Variants in NDST4 observed in about 807,000 individuals in gnomAD.
NDST4 encodes N-heparan sulfate sulfotransferase 4.
NDST4 carries 63 observed loss-of-function variants against 100.8 expected under a neutral mutation model. The ratio of observed to expected loss-of-function variants is 0.62; its 90% CI spans 0.51 to 0.77. The LOEUF (loss-of-function observed/expected upper bound fraction) is 0.77, where lower values mean the gene tolerates loss of function less well. NDST4 is among the 30% of genes least tolerant of loss of function. The probability of loss-of-function intolerance (pLI) is 0.00; values close to 1 mark genes in which losing one functional copy is unlikely to be tolerated. For missense variants in NDST4, 943 were observed against 1,018.4 expected (o/e 0.93, Z 1.01); for synonymous variants, 377 against 361.8 (o/e 1.04, Z -0.48).
At chr4:114,872,332 A>C (rs1560788714) in intron 6 of NDST4, among the ~76,000 whole-genome samples, 1 of 152,050 alleles carries the variant, frequency 6.6e-6, no homozygotes, top group Non-Finnish European at 1.5e-5. Flanking sequence ...AAAACATCTA[A>C]ACATTAGTTG....
chr4:114,901,810 CTCTTCTTT>C lies in NDST4; in HGVS notation c.1537-30868_1537-30861del, dbSNP rs532401623. Among the ~76,000 whole-genome samples the C allele has an allele frequency of 7.3e-3, 1,109 of 151,616 alleles. 82 individuals are homozygous for C. The South Asian group carries it at 0.17, about 23-fold the overall frequency. ...ATTTTTCCTCCCCCTTCCACTCCTT[CTCTTCTTT>C]TCTTCTTCCTTTTTTCTTCTTCTTC... is the stretch of plus-strand genomic sequence containing the variant. On this transcript the variant is annotated intron_variant, in intron 6 of 13. Coordinates refer to ENST00000264363, the MANE Select transcript of NDST4 (RefSeq NM_022569.3).
chr4:115,077,764 G>C (rs983868591), intron 1 of NDST4, among the ~76,000 whole-genome samples: 1 of 152,122 alleles, frequency 6.6e-6, no homozygotes, highest in Non-Finnish European at 1.5e-5. Context: ...CTTAAGTTTA[G>C]AGTAGTTACA....
intron 1 of NDST4, among the ~76,000 whole-genome samples, chr4:115,104,613 A>G (rs115730344): frequency 0.012 from 1,814 of 152,240 alleles, 34 homozygotes; most frequent in African/African-American, 0.041. Flanking sequence ...TCTGGGATAT[A>G]GTATGTTTTC....
intron 2 of NDST4, among the ~76,000 whole-genome samples, chr4:114,994,706 A>G (rs1379608418): frequency 6.6e-6 from 1 of 152,046 alleles, no homozygotes; most frequent in East Asian, 1.9e-4. Context: ...TTGGGGTTAG[A>G]TGATGATACA....
intron 6 of NDST4, among the ~76,000 whole-genome samples, chr4:114,932,603 T>G (rs949318176): frequency 1.3e-5 from 2 of 151,992 alleles, no homozygotes; most frequent in Admixed American, 6.6e-5. Context: ...AAACTCTAAA[T>G]ATTCCTTGAA....
At chr4:114,959,692 A>C (rs2126235622) in intron 4 of NDST4, among the ~76,000 whole-genome samples, 1 of 152,306 alleles carries the variant, frequency 6.6e-6, no homozygotes, top group Admixed American at 6.5e-5. Context: ...TAACAGAAGA[A>C]AAATTTAGCA....
chr4:115,100,646 A>G (rs1201003903), intron 1 of NDST4, among the ~76,000 whole-genome samples: 4 of 152,080 alleles, frequency 2.6e-5, no homozygotes, highest in African/African-American at 7.2e-5. Context: ...TTCTTCACGT[A>G]TATTTCCTTA....
chr4:114,934,302 G>GGGAGATCT, intron 6 of NDST4, among the ~76,000 whole-genome samples: 1 of 151,994 alleles, frequency 6.6e-6, no homozygotes, highest in African/African-American at 2.4e-5. Context: ...TAAAAAAGTT[G>GGGAGATCT]AACTCTTGGG....
Position 114,839,648 on chromosome 4 carries a change from G to A in NDST4, c.2116-100C>T, listed in dbSNP as rs1723385221. 5.1e-6 allele frequency: 5 copies of A among 983,418 alleles called. No homozygotes were observed. The South Asian group carries it at 5.3e-5, about 10-fold the overall frequency. 60.9% of individuals were successfully genotyped at this position (983,418 alleles called of 1,614,324 possible). On this transcript the variant is annotated intron_variant, in intron 10 of 13. Coordinates refer to ENST00000264363, the MANE Select transcript of NDST4 (RefSeq NM_022569.3). Reference sequence around the variant, plus strand: ...GCACATGCATGTGTGTGTTTGGTGTGTATGTATAAATGTGTGTGTCCTTTA... The same window carrying A: ...GCACATGCATGTGTGTGTTTGGTGTATATGTATAAATGTGTGTGTCCTTTA...
At position 115,077,133 on chromosome 4, in the gene NDST4, A is replaced by T; in HGVS notation, c.-97T>A. ...GATGTTGCAAATATCACTTCCCCAGAGTTCATGTAACCATCGCAAATCATG... is the reference window on the plus strand; with the variant it reads ...GATGTTGCAAATATCACTTCCCCAGTGTTCATGTAACCATCGCAAATCATG... On this transcript the variant is annotated 5_prime_UTR_variant, in exon 2 of 14. Transcript: ENST00000264363. The T allele has an allele frequency of 8.7e-7, 1 of 1,149,462 alleles. No individual in the cohort carries two copies. The highest frequency in any genetic ancestry group is 1.2e-6 in the Non-Finnish European group (1 of 830,530). 71.2% of individuals were successfully genotyped at this position (1,149,462 alleles called of 1,614,324 possible).
At chr4:114,827,977 T>C in intron 13 of NDST4, 42 bp from the exon 14 acceptor site, 4 of 1,563,392 alleles carry the variant, frequency 2.6e-6, no homozygotes, top group Non-Finnish European at 2.6e-6. Flanking sequence ...GCTCTTTGTT[T>C]CATCAAACAG....
At chr4:115,090,223 A>G (rs28695346) in intron 1 of NDST4, among the ~76,000 whole-genome samples, 1 of 151,886 alleles carries the variant, frequency 6.6e-6, no homozygotes, top group Admixed American at 6.6e-5. Context: ...TAGGCACAAA[A>G]CACAGCTATA....
At chr4:114,933,238 A>G (rs923586005) in intron 6 of NDST4, among the ~76,000 whole-genome samples, 2 of 152,148 alleles carry the variant, frequency 1.3e-5, no homozygotes, top group African/African-American at 4.8e-5. Context: ...AGTCTCTTCA[A>G]CAAACAGGTG....
At chr4:115,025,086 T>TGTTCATTATAAATTA (rs1727953156) in intron 2 of NDST4, among the ~76,000 whole-genome samples, 2 of 151,956 alleles carry the variant, frequency 1.3e-5, no homozygotes, top group African/African-American at 4.8e-5. Flanking sequence ...CAAATAAATT[T>TGTTCATTATAAATTA]CTGTTCATTA....
intron 2 of NDST4, among the ~76,000 whole-genome samples, chr4:115,052,727 T>C (rs1021294853): frequency 1.1e-4 from 17 of 152,138 alleles, no homozygotes; most frequent in East Asian, 7.7e-4. Flanking sequence ...CTCGGGTATG[T>C]CTTTATTAGC....
chr4:115,026,257 G>A (rs1303798699), intron 2 of NDST4, among the ~76,000 whole-genome samples: 1 of 151,884 alleles, frequency 6.6e-6, no homozygotes, highest in Non-Finnish European at 1.5e-5. Context: ...TTATAAGAAG[G>A]AATAATAATT....
chr4:115,097,685 T>G (rs1028563948), intron 1 of NDST4, among the ~76,000 whole-genome samples: 10 of 152,154 alleles, frequency 6.6e-5, no homozygotes, highest in African/African-American at 2.4e-4. Flanking sequence ...AGGGTCCTCA[T>G]TTTACAATGT....
intron 6 of NDST4, among the ~76,000 whole-genome samples, chr4:114,929,109 C>CATCCATCCATCT (rs1725454129): frequency 8.9e-6 from 1 of 112,810 alleles, no homozygotes; most frequent in Non-Finnish European, 1.9e-5. Flanking sequence ...TCCATCCATC[C>CATCCATCCATCT]ATCCATCTAT....
At chr4:114,876,219 G>A (rs189671279) in intron 6 of NDST4, among the ~76,000 whole-genome samples, 2 of 152,168 alleles carry the variant, frequency 1.3e-5, no homozygotes, top group Non-Finnish European at 1.5e-5. Context: ...ATTAGCAGTC[G>A]GTTTCCATTT....
Sources: gnomAD v4.1 joint callset for allele counts (sites outside exome capture counted in the v4.1 genomes callset) on GRCh38, gnomAD v4.1.1 for gene constraint, MANE v1.5 for transcripts, NCBI Gene and HGNC (gene_info 2026-07-23, HGNC 2026-07-21) for gene names.